IL33: variants seen among roughly 807,000 people sequenced by gnomAD.
IL33 encodes interleukin-33.
IL33 carries 37 observed loss-of-function variants against 27.3 expected under a neutral mutation model. The observed-to-expected ratio is 1.36, with a 90% confidence interval of 1.04 to 1.78. The LOEUF is 1.78. IL33 is among the 40% of genes most tolerant of loss of function. The pLI, the probability that IL33 is intolerant of heterozygous loss-of-function variation, is 0.00. For synonymous variants in IL33, 132 were observed against 102.9 expected (o/e 1.28, Z -1.71); for missense variants, 406 against 311.4 (o/e 1.30, Z -2.29).
In IL33 at chr9:6,253,615, G is replaced by T. The variant is rs1225633633; in HGVS notation, c.520+13G>T. On this transcript the variant is annotated intron_variant, in intron 6 of 7. Transcript: ENST00000682010. ...TCAAATGAATCAGGTAATTTGGAGG[G>T]CTGGGTAGCTGTAGTGCTTGAATTC... 1 of 1,599,880 alleles carries T rather than the reference G, an allele frequency of 6.3e-7. No individual in the cohort carries two copies. The highest frequency in any genetic ancestry group is 8.6e-7 in the Non-Finnish European group (1 of 1,169,306).
Position 6,235,344 on chromosome 9 carries a change from C to G in IL33, c.-11-6340C>G, listed in dbSNP as rs192491340. On this transcript the variant is annotated intron_variant, in intron 1 of 7. Coordinates refer to ENST00000682010, the MANE Select transcript of IL33 (RefSeq NM_033439.4). The stretch of plus-strand genomic sequence containing the variant: ...ACAGGCATGAGACACACACCCAGCC[C>G]TGACTTATTCTTTATACCAAAAGTA... Among the ~76,000 whole-genome samples, 7 of 152,264 alleles carry G rather than the reference C, an allele frequency of 4.6e-5. No homozygotes were observed. The East Asian group carries it at 1.4e-3, about 29-fold the overall frequency.
At chr9:6,235,360 A>T (rs936035679) in intron 1 of IL33, among the ~76,000 whole-genome samples, 5 of 152,184 alleles carry the variant, frequency 3.3e-5, no homozygotes, top group Non-Finnish European at 5.9e-5. Context: ...TATTCTTTAT[A>T]CCAAAAGTAA....
At chr9:6,254,672 C>A in intron 7 of IL33, 119 bp downstream of exon 7, 1 of 479,956 alleles carries the variant, frequency 2.1e-6, no homozygotes, top group Non-Finnish European at 3.6e-6. Flanking sequence ...TTTTTGTGTG[C>A]TATTGTATAT....
Position 6,254,452 on chromosome 9 carries a change from T to C in IL33, c.521-10T>C, listed in dbSNP as rs781532286. The C allele has an allele frequency of 4.3e-5, 66 of 1,537,678 alleles. No homozygotes were observed. Among genetic ancestry groups the C allele is most frequent in the Non-Finnish European group, 5.7e-5 (64 of 1,132,202 alleles). The stretch of plus-strand genomic sequence containing the variant: ...CTTAACTTTATCATTTATACTTTCT[T>C]AATTGTAAGGTGACGGTGTTGATGG... On this transcript the variant is annotated splice_polypyrimidine_tract_variant and intron_variant, in intron 6 of 7. Coordinates refer to ENST00000682010, the MANE Select transcript of IL33 (RefSeq NM_033439.4).
intron 1 of IL33, among the ~76,000 whole-genome samples, chr9:6,223,164 T>G (rs2130111640): frequency 6.6e-6 from 1 of 152,270 alleles, no homozygotes; most frequent in East Asian, 1.9e-4. Flanking sequence ...TTTTATGAAG[T>G]TTGATTTTCA....
intron 1 of IL33, among the ~76,000 whole-genome samples, chr9:6,218,965 T>C (rs1414633950): frequency 7.2e-6 from 1 of 138,418 alleles, no homozygotes; most frequent in African/African-American, 2.7e-5. Context: ...AAAATTTATA[T>C]GTCAGTAAAT....
At chr9:6,223,980 G>C (rs1204860979) in intron 1 of IL33, among the ~76,000 whole-genome samples, 2 of 152,154 alleles carry the variant, frequency 1.3e-5, no homozygotes, top group African/African-American at 2.4e-5. Flanking sequence ...AGCCAAAGGA[G>C]TAGAAGCCAA....
intron 2 of IL33, among the ~76,000 whole-genome samples, chr9:6,243,149 T>G (rs912137783): frequency 6.6e-6 from 1 of 152,122 alleles, no homozygotes; most frequent in Non-Finnish European, 1.5e-5. Context: ...GGAGACTTGG[T>G]GGGACCAAAC....
At chr9:6,220,585 T>C (rs1461824780) in intron 1 of IL33, among the ~76,000 whole-genome samples, 1 of 152,174 alleles carries the variant, frequency 6.6e-6, no homozygotes, top group Non-Finnish European at 1.5e-5. Flanking sequence ...AAACATGAAC[T>C]TCCTCAAATC....
chr9:6,246,460 G>A (rs1819863971), intron 2 of IL33, among the ~76,000 whole-genome samples: 1 of 152,062 alleles, frequency 6.6e-6, no homozygotes, highest in African/African-American at 2.4e-5. Flanking sequence ...TACTCAGGAA[G>A]CTGAGGCAGG....
upstream of IL33, among the ~76,000 whole-genome samples, chr9:6,215,565 A>T (rs1003413239): frequency 1.3e-5 from 2 of 152,232 alleles, no homozygotes; most frequent in Admixed American, 6.5e-5. Flanking sequence ...AACTCCAAAG[A>T]GAGCCAAAAC....
chr9:6,252,083 C>G lies in IL33; in HGVS notation c.344-783C>G, dbSNP rs57812609. ...AAAAAAAACCCAACAAAAAACAAAA[C>G]AAAACAAAAAAACCAACTTTACCTG... On this transcript the variant is annotated intron_variant, in intron 4 of 7. Transcript: ENST00000682010. Among the ~76,000 whole-genome samples, 11 of 70,432 alleles carry G rather than the reference C, an allele frequency of 1.6e-4. 3 individuals are homozygous for G. Among genetic ancestry groups the G allele is most frequent in the Admixed American group, 7.5e-4 (4 of 5,330 alleles). The allele number at this position is 70,432 out of a possible 152,430, so 46.2% of individuals were successfully genotyped here.
chr9:6,223,336 A>C (rs1351737961), intron 1 of IL33, among the ~76,000 whole-genome samples: 1 of 152,128 alleles, frequency 6.6e-6, no homozygotes, highest in Non-Finnish European at 1.5e-5. Context: ...TTGCAAAAAT[A>C]GAATAGTAAT....
chr9:6,247,174 G>C (rs1235809118), intron 2 of IL33, among the ~76,000 whole-genome samples: 1 of 151,672 alleles, frequency 6.6e-6, no homozygotes, highest in Admixed American at 6.6e-5. Context: ...TTAAGAGTGA[G>C]AGAAGAAAAA....
intron 1 of IL33, among the ~76,000 whole-genome samples, chr9:6,229,212 G>A (rs1007798119): frequency 2.0e-5 from 3 of 152,128 alleles, no homozygotes; most frequent in Non-Finnish European, 2.9e-5. Flanking sequence ...ACTGAGACCT[G>A]GAGAGCTGTA....
chr9:6,251,730 G>T (rs1459010463), intron 4 of IL33, among the ~76,000 whole-genome samples: 1 of 151,642 alleles, frequency 6.6e-6, no homozygotes, highest in Non-Finnish European at 1.5e-5. Flanking sequence ...TTCAAGAAGT[G>T]AAGAGATCAT....
intron 1 of IL33, among the ~76,000 whole-genome samples, chr9:6,219,035 T>C (rs1274563202): frequency 6.7e-6 from 1 of 149,922 alleles, no homozygotes; most frequent in African/African-American, 2.5e-5. Context: ...TCAATGTATC[T>C]TTCATTCAAG....
intron 6 of IL33, 149 bp downstream of exon 6, chr9:6,253,751 C>A: frequency 1.7e-6 from 1 of 584,484 alleles, no homozygotes; most frequent in Non-Finnish European, 3.0e-6. Flanking sequence ...CTTAGATTCT[C>A]AGAGGATGCA....
At position 6,250,618 on chromosome 9, in the gene IL33, T is replaced by G. The variant is rs1389320429; in HGVS notation, c.217+19T>G. The G allele has an allele frequency of 6.2e-7, 1 of 1,607,052 alleles. No individual in the cohort carries two copies. Among genetic ancestry groups the G allele is most frequent in the Non-Finnish European group, 8.5e-7 (1 of 1,177,664 alleles). Reference sequence around the variant, plus strand: ...AAAACAGGTAAGGGGAACCGTACATTCTCTGGCAATAGTGATAAGTATCTG... The same window carrying G: ...AAAACAGGTAAGGGGAACCGTACATGCTCTGGCAATAGTGATAAGTATCTG... On this transcript the variant is annotated intron_variant, in intron 3 of 7. Coordinates refer to ENST00000682010, the MANE Select transcript of IL33 (RefSeq NM_033439.4).
Sources: allele counts gnomAD v4.1 joint callset (sites outside exome capture counted in the v4.1 genomes callset), GRCh38; gene constraint gnomAD v4.1.1; transcripts MANE v1.5; gene names NCBI Gene and HGNC (gene_info 2026-07-23, HGNC 2026-07-21).